The following CROCC variants were observed in gnomAD, a reference collection of about 807,000 sequenced individuals.
CROCC encodes the protein rootletin.
CROCC carries 180 observed loss-of-function variants against 245.2 expected under a neutral mutation model. The observed-to-expected ratio is 0.73, with a 90% CI of 0.65 to 0.83. The LOEUF is 0.83. Ranked by LOEUF, CROCC falls within the 40% of genes least tolerant of loss-of-function variation. The pLI, the probability that CROCC is intolerant of heterozygous loss-of-function variation, is 0.00. For missense variants in CROCC, 2,688 were observed against 2,779.4 expected (o/e 0.97, Z 0.74); for synonymous variants, 1,205 against 1,241.6 (o/e 0.97, Z 0.62).
At chr1:16,967,047 TAAAAAAGAAAAGAAAA>T (rs1181717759) in intron 30 of CROCC, among the ~76,000 whole-genome samples, 1 of 95,948 alleles carries the variant, frequency 1.0e-5, no homozygotes, top group African/African-American at 3.0e-5. Context: ...TGAGACCCTG[TAAAAAAGAAAAGAAAA>T]AAAAAAGAAG....
intron 2 of CROCC, 43 bp downstream of exon 2, chr1:16,922,841 T>G: frequency 6.3e-7 from 1 of 1,594,166 alleles, no homozygotes; most frequent in African/African-American, 1.3e-5. Flanking sequence ...CCACCCACAT[T>G]TTACCTCTTC....
chr1:16,970,857 G>T, intron 35 of CROCC, 90 bp downstream of exon 35: 1 of 1,411,568 alleles, frequency 7.1e-7, no homozygotes. Flanking sequence ...GCCAGCCCAG[G>T]GCCCATAACC....
chr1:16,968,040 G>A (rs141865126), intron 30 of CROCC, among the ~76,000 whole-genome samples, 163 bp from the exon 31 acceptor site: 268 of 152,286 alleles, frequency 1.8e-3, no homozygotes, highest in African/African-American at 5.9e-3. Flanking sequence ...TCCTGGGAAC[G>A]CATGGGGAGA....
chr1:16,958,421 C>T (rs890634735), intron 25 of CROCC, among the ~76,000 whole-genome samples, 162 bp from the exon 26 acceptor site: 1 of 152,202 alleles, frequency 6.6e-6, no homozygotes, highest in Non-Finnish European at 1.5e-5. Context: ...TGCCTGGCAT[C>T]GCCCAAGTTC....
At chr1:16,931,459 G>C (rs982859291) in intron 8 of CROCC, 62 bp downstream of exon 8, 19 of 1,446,308 alleles carry the variant, frequency 1.3e-5, no homozygotes, top group Non-Finnish European at 1.5e-5. Context: ...ATGTCCAACT[G>C]AACTCAGTTG....
chr1:16,929,921 G>A lies in CROCC; in HGVS notation c.427G>A (p.Glu143Lys). 1 of 1,589,458 alleles carries A rather than the reference G, an allele frequency of 6.3e-7. No homozygotes were observed. The highest frequency in any genetic ancestry group is 1.3e-5 in the African/African-American group (1 of 74,908). The change falls in exon 4 of 37, where the codon GAG becomes AAG. Residue 143 changes from glutamate to lysine, a missense_variant. Glu to Lys is a moderately conservative substitution (Grantham distance 56, BLOSUM62 1). Transcript: ENST00000375541. ...EPRGLVRQSVELRRQLQEEQA... is the reference protein window; with the variant it reads ...EPRGLVRQSVKLRRQLQEEQA... ...CAGGGGGCTGGTACGGCAGAGCGTG[G>A]AGTTGCGGAGGCAGCTGCAGGAGGA...
intron 13 of CROCC, chr1:16,941,314 A>G (rs972167848): frequency 6.6e-6 from 1 of 152,484 alleles, no homozygotes; most frequent in African/African-American, 2.4e-5. Flanking sequence ...AATCCCAGCT[A>G]TTCAGGAGGC....
chr1:16,944,294 CT>C lies in CROCC; in HGVS notation c.1991+13del, dbSNP rs2075998222. 1.3e-6 allele frequency: 2 copies of C among 1,524,374 alleles called. No homozygotes were observed. The highest frequency in any genetic ancestry group is 1.4e-5 in the African/African-American group (1 of 72,948). 94.4% of individuals were successfully genotyped at this position (1,524,374 alleles called of 1,614,324 possible). On this transcript the variant is annotated intron_variant, in intron 14 of 36. Transcript: ENST00000375541. ...GAGCTTGAGCGCAGGTGAGCAGCAT[CT>C]CGCCACCCTGCCAGGACCCTTCAGA...
Position 16,944,255 on chromosome 1 carries a change from C to T in CROCC, c.1964C>T (p.Ala655Val), listed in dbSNP as rs146363471. 8,942 of 1,545,494 alleles carry T rather than the reference C, an allele frequency of 5.8e-3. No homozygotes were observed. The highest frequency in any genetic ancestry group is 6.7e-3 in the Non-Finnish European group (7,644 of 1,143,418). ...CAGGAGGACGCAGTGCAGGATGGCG[C>T]GCGGGTGCGCCGGGAGCTTGAGCGC... ...EEQEDAVQDG[A>V]RVRRELERSH... The change falls in exon 14 of 37, where the codon GCG (alanine) becomes GTG (valine). Residue 655 changes from alanine to valine, a missense_variant. Physicochemically the swap from Ala to Val is moderately conservative, Grantham distance 64. This residue lies in a region of CROCC where 972 missense variants were observed against 895.3 expected (regional missense o/e 1.09). Coordinates refer to ENST00000375541, the MANE Select transcript of CROCC (RefSeq NM_014675.5).
Position 16,954,598 on chromosome 1 carries a change from G to C in CROCC, c.3322-136G>C. 7.9e-7 allele frequency: 1 copy of C among 1,258,962 alleles called. No individual in the cohort carries two copies. The highest frequency in any genetic ancestry group is 1.1e-6 in the Non-Finnish European group (1 of 923,152). 78.0% of individuals were successfully genotyped at this position (1,258,962 alleles called of 1,614,324 possible). A position where few individuals can be genotyped will look rare whatever the true frequency, so the allele number is the denominator to read the frequency against. On this transcript the variant is annotated intron_variant, in intron 22 of 36. Transcript: ENST00000375541. The surrounding 1 kb of genome is among the most constrained non-coding windows in gnomAD (Gnocchi z 4.4). ...GGCAGCACTCACTATGCATCCAGGG[G>C]TTGGCAGAGGGTCCGGCAGGCCAGC...
At chr1:16,972,222 A>G in intron 36 of CROCC, 138 bp from the exon 37 acceptor site, 1 of 735,462 alleles carries the variant, frequency 1.4e-6, no homozygotes. Context: ...TGAGAAAGGC[A>G]GGACAGCCCC....
intron 1 of CROCC, among the ~76,000 whole-genome samples, chr1:16,916,107 T>C (rs1461034584): frequency 1.3e-5 from 2 of 151,698 alleles, no homozygotes. Flanking sequence ...ACCCAGGAGG[T>C]GGAGGTTGCA....
At chr1:16,970,086 G>A in intron 33 of CROCC, 152 bp downstream of exon 33, 1 of 1,245,574 alleles carries the variant, frequency 8.0e-7, no homozygotes, top group Non-Finnish European at 1.1e-6. Context: ...CTGTTATACA[G>A]ATGGAGAAAC....
At chr1:16,931,592 G>T (rs577476220) in intron 8 of CROCC, among the ~76,000 whole-genome samples, 195 bp downstream of exon 8, 2 of 152,386 alleles carry the variant, frequency 1.3e-5, no homozygotes, top group South Asian at 4.1e-4. Flanking sequence ...CTCTGGGCTA[G>T]GCTCATTGTA....
At position 16,958,735 on chromosome 1, in the gene CROCC, G is replaced by A. The variant is rs754779641; in HGVS notation, c.4017G>A (p.Glu1339=). 4.5e-6 allele frequency: 7 copies of A among 1,561,012 alleles called. No homozygotes were observed. Among genetic ancestry groups the A allele is most frequent in the Non-Finnish European group, 4.3e-6 (5 of 1,153,160 alleles). Residue 1339 remains glutamate (E), a synonymous_variant, in exon 26 of 37, where the codon GAG becomes GAA. Coordinates refer to ENST00000375541, the MANE Select transcript of CROCC (RefSeq NM_014675.5). The stretch of plus-strand genomic sequence containing the variant: ...TGCTGAAGGGCGAGGCCAGCCTGGA[G>A]GTGATGCGGCAGGAGGTAACTGAGC... ...QRLLKGEASL[E]VMRQELQVAQ... is the part of the protein sequence containing the mutation.
At chr1:16,946,205 C>A in intron 15 of CROCC, 54 bp from the exon 16 acceptor site, 1 of 1,580,486 alleles carries the variant, frequency 6.3e-7, no homozygotes, top group Non-Finnish European at 8.6e-7. Flanking sequence ...TGGGCCTCCT[C>A]ACCTCCTCCC....
Position 16,961,014 on chromosome 1 carries a change from A to C in CROCC, c.4289A>C (p.Glu1430Ala). The change falls in exon 27 of 37, where the codon GAG (glutamate) becomes GCG (alanine). Residue 1430 changes from glutamate (E) to alanine (A), a missense_variant. Coordinates refer to ENST00000375541, the MANE Select transcript of CROCC (RefSeq NM_014675.5). The part of the protein sequence containing the change: ...ARVEVQRRAA[E>A]AQLGGLRSAL... ...GTGGAGGTGCAGCGGCGCGCGGCGG[A>C]GGCCCAGCTGGGTGGCCTGCGCTCG... 4.6e-6 allele frequency: 6 copies of C among 1,303,196 alleles called. No individual in the cohort carries two copies. The East Asian group carries it at 1.6e-4, about 34-fold the overall frequency. 80.7% of individuals were successfully genotyped at this position (1,303,196 alleles called of 1,614,324 possible). A position where few individuals can be genotyped will look rare whatever the true frequency, so the allele number is the denominator to read the frequency against.
chr1:16,970,008 A>C, intron 33 of CROCC, 74 bp downstream of exon 33: 1 of 1,491,474 alleles, frequency 6.7e-7, no homozygotes, highest in African/African-American at 1.4e-5. Flanking sequence ...GTTCCCACCC[A>C]TCTCAACCTC....
chr1:16,944,403 C>T, intron 14 of CROCC, 121 bp downstream of exon 14: 1 of 1,132,644 alleles, frequency 8.8e-7, no homozygotes, highest in South Asian at 2.4e-5. Flanking sequence ...CTGGACCCCT[C>T]CGATGTCGGG....
Sources: gnomAD v4.1 joint callset for allele counts (sites outside exome capture counted in the v4.1 genomes callset) on GRCh38, gnomAD v4.1.1 for gene constraint, gnomAD v4.1.1 regional missense constraint, Gnocchi (gnomAD v3.1) non-coding constraint, MANE v1.5 for transcripts, NCBI Gene and HGNC (gene_info 2026-07-23, HGNC 2026-07-21) for gene names.